OPA3: variants seen among roughly 807,000 people sequenced by gnomAD.
The protein encoded by OPA3 is optic atrophy 3 protein.
OPA3 carries 6 observed loss-of-function variants against 4.0 expected under a neutral mutation model. That is an observed-to-expected ratio of 1.51 (90% CI 0.83 to 2.99). The LOEUF (loss-of-function observed/expected upper bound fraction) is 2.99, where lower values mean the gene tolerates loss of function less well. Ranked by LOEUF, OPA3 falls within the 30% of genes most tolerant of loss-of-function variation. The pLI is 0.00. For synonymous variants in OPA3, 105 were observed against 117.1 expected, an observed-to-expected ratio of 0.90 and a Z score of 0.67; for missense variants, 235 against 256.2, an observed-to-expected ratio of 0.92 and a Z score of 0.56.
downstream of OPA3, among the ~76,000 whole-genome samples, chr19:45,544,720 G>T (rs1969225332): frequency 6.6e-6 from 1 of 152,006 alleles, no homozygotes; most frequent in Non-Finnish European, 1.5e-5. Context: ...CTTGAACCCG[G>T]GAGGTGGAGG....
intron 1 of OPA3, among the ~76,000 whole-genome samples, chr19:45,536,913 G>A (rs902998423): frequency 6.6e-6 from 1 of 151,934 alleles, no homozygotes; most frequent in Admixed American, 6.6e-5. Context: ...AAATATGATA[G>A]ACACAAAAAT....
At chr19:45,584,476 C>A in intron 1 of OPA3, 147 bp downstream of exon 1, 1 of 1,544,060 alleles carries the variant, frequency 6.5e-7, no homozygotes, top group East Asian at 2.3e-5. Flanking sequence ...CCCGTACGCC[C>A]CTCTATCAGA....
intron 1 of OPA3, among the ~76,000 whole-genome samples, chr19:45,537,396 C>CAAAAA (rs1181396046): frequency 3.8e-4 from 11 of 28,906 alleles, no homozygotes; most frequent in East Asian, 1.6e-3. Context: ...GACTCTGTCT[C>CAAAAA]AAAAAAAAAA....
intron 1 of OPA3, among the ~76,000 whole-genome samples, chr19:45,572,777 C>T (rs1969704164): frequency 2.0e-5 from 1 of 51,032 alleles, no homozygotes; most frequent in Admixed American, 1.9e-4. Context: ...CTATATATAT[C>T]ATACTATATA....
Position 45,551,869 on chromosome 19 carries a change from C to T in OPA3, c.*1645G>A, listed in dbSNP as rs1235068881. 2.0e-6 allele frequency: 2 copies of T among 985,452 alleles called. No individual in the cohort carries two copies. The highest frequency in any genetic ancestry group is 1.7e-5 in the African/African-American group (1 of 57,224). The allele number at this position is 985,452 out of a possible 1,614,324, so 61.0% of individuals were successfully genotyped here. Reference sequence around the variant, plus strand: ...CACGGATGGAAGATGAAGGATGTGACAATTGAATCCATGGGCTTGGATTCG... The same window carrying T: ...CACGGATGGAAGATGAAGGATGTGATAATTGAATCCATGGGCTTGGATTCG... On this transcript the variant is annotated 3_prime_UTR_variant, in exon 2 of 2. Transcript: ENST00000263275.
At position 45,553,785 on chromosome 19, in the gene OPA3, A is replaced by T; in HGVS notation, c.269T>A (p.Phe90Tyr). Residue 90 changes from phenylalanine (F) to tyrosine (Y), a missense_variant, in exon 2 of 2, where the codon TTC (phenylalanine) becomes TAC (tyrosine). Transcript: ENST00000263275. ...CACTAGGCAGCCGCCGCCCACGATG[A>T]AGATGGTGGCTTCGCCCAGCAGCTC... ...GAELLGEATI[F>Y]IVGGGCLVLE... 1 of 1,613,296 alleles carries T rather than the reference A, an allele frequency of 6.2e-7. No homozygotes were observed. The highest frequency in any genetic ancestry group is 8.5e-7 in the Non-Finnish European group (1 of 1,179,892).
chr19:45,583,629 G>A (rs1029508466), intron 1 of OPA3, among the ~76,000 whole-genome samples: 16 of 152,026 alleles, frequency 1.1e-4, no homozygotes, highest in African/African-American at 3.9e-4. Context: ...AGCCTCCCAA[G>A]TAGCTGGGAT....
At chr19:45,545,347 A>G (rs1969237302), downstream of OPA3, among the ~76,000 whole-genome samples, 1 of 151,776 alleles carries the variant, frequency 6.6e-6, no homozygotes, top group Admixed American at 6.6e-5. Flanking sequence ...TGGGCAACAT[A>G]AAGAGACCCC....
intron 1 of OPA3, among the ~76,000 whole-genome samples, chr19:45,570,835 C>G (rs1969651811): frequency 6.6e-6 from 1 of 150,402 alleles, no homozygotes; most frequent in Admixed American, 6.6e-5. Context: ...TACTCTCCAG[C>G]CTGGGCGACA....
rs1157186108 is a variant in OPA3 at position 45,549,897 on chromosome 19, C to T, written c.*3617G>A. On this transcript the variant is annotated 3_prime_UTR_variant, in exon 2 of 2. Coordinates refer to ENST00000263275, the MANE Select transcript of OPA3 (RefSeq NM_025136.4). Reference sequence around the variant, plus strand: ...TTCAGGCCAGGCGCGGTGGCTCACGCCTGTAATCCCAGCACTTTGGGAGGC... The same window carrying T: ...TTCAGGCCAGGCGCGGTGGCTCACGTCTGTAATCCCAGCACTTTGGGAGGC... The T allele has an allele frequency of 1.9e-5, 19 of 984,602 alleles. No homozygotes were observed. Among genetic ancestry groups the T allele is most frequent in the Non-Finnish European group, 2.0e-5 (17 of 829,394 alleles). The allele number at this position is 984,602 out of a possible 1,614,324, so 61.0% of individuals were successfully genotyped here. A position where few individuals can be genotyped will look rare whatever the true frequency, so the allele number is the denominator to read the frequency against.
At chr19:45,578,415 C>G (rs1969799358) in intron 1 of OPA3, among the ~76,000 whole-genome samples, 1 of 150,896 alleles carries the variant, frequency 6.6e-6, no homozygotes, top group South Asian at 2.1e-4. Flanking sequence ...CCCCCTCCCC[C>G]ACCGCCACCC....
intron 1 of OPA3, among the ~76,000 whole-genome samples, chr19:45,564,952 C>T (rs1442459079): frequency 1.2e-4 from 19 of 152,084 alleles, no homozygotes; most frequent in African/African-American, 4.3e-4. Flanking sequence ...CTCGGCCGGG[C>T]GTGGTGGCTC....
intron 1 of OPA3, among the ~76,000 whole-genome samples, chr19:45,540,583 A>AG (rs1420075681): frequency 1.5e-5 from 2 of 129,650 alleles, no homozygotes; most frequent in Non-Finnish European, 1.7e-5. Context: ...AAAAAAAAAA[A>AG]GGGGGCCAGG....
At chr19:45,575,958 T>C (rs1599996743) in intron 1 of OPA3, among the ~76,000 whole-genome samples, 2 of 152,308 alleles carry the variant, frequency 1.3e-5, no homozygotes, top group South Asian at 4.1e-4. Context: ...TGGGGGCCAG[T>C]TGTGGTGGCT....
downstream of OPA3, among the ~76,000 whole-genome samples, chr19:45,542,961 A>ACGCCCAGCACG (rs1969203602): frequency 1.3e-5 from 2 of 151,720 alleles, no homozygotes; most frequent in Non-Finnish European, 2.9e-5. Flanking sequence ...GTGAGCTATC[A>ACGCCCAGCACG]TGCCCAGCGC....
chr19:45,531,789 T>C (rs1235637559), intron 1 of OPA3, among the ~76,000 whole-genome samples: 1 of 152,216 alleles, frequency 6.6e-6, no homozygotes, highest in African/African-American at 2.4e-5. Context: ...TTGTCATCCC[T>C]GTGGCACTGA....
chr19:45,546,451 T>C lies in OPA3; in HGVS notation c.*7063A>G, dbSNP rs892149680. The C allele has an allele frequency of 8.2e-6, 5 of 608,436 alleles. No homozygotes were observed. The highest frequency in any genetic ancestry group is 8.2e-6 in the Non-Finnish European group (4 of 486,392). The allele number at this position is 608,436 out of a possible 1,614,324, so 37.7% of individuals were successfully genotyped here. A position where few individuals can be genotyped will look rare whatever the true frequency, so the allele number is the denominator to read the frequency against. On this transcript the variant is annotated 3_prime_UTR_variant, in exon 2 of 2. Coordinates refer to ENST00000263275, the MANE Select transcript of OPA3 (RefSeq NM_025136.4). ...TTATACACTTTTAAAATACATAGAA[T>C]TGTAAATTATTGTATAAATATGCAC...
chr19:45,574,241 AAAT>A (rs1206599374), intron 1 of OPA3, among the ~76,000 whole-genome samples: 14 of 147,868 alleles, frequency 9.5e-5, no homozygotes, highest in South Asian at 2.2e-4. Flanking sequence ...AAAATACAAA[AAAT>A]ATTAGCTGGG....
intron 1 of OPA3, among the ~76,000 whole-genome samples, chr19:45,571,411 T>C (rs1199052022): frequency 1.3e-5 from 2 of 152,144 alleles, no homozygotes; most frequent in South Asian, 2.1e-4. Context: ...ACTCGCAAAG[T>C]GCTGGGATTA....
Sources: gnomAD v4.1 joint callset for allele counts (sites outside exome capture counted in the v4.1 genomes callset) on GRCh38, gnomAD v4.1.1 for gene constraint, MANE v1.5 for transcripts, NCBI Gene and HGNC (gene_info 2026-07-23, HGNC 2026-07-21) for gene names.